DAPK1: variants seen among roughly 807,000 people sequenced by gnomAD.
DAPK1 encodes the protein death-associated protein kinase 1.
In DAPK1, 56 loss-of-function variants were observed where a neutral mutation model predicts 144.9. The observed-to-expected ratio is 0.39, with a 90% CI of 0.31 to 0.48. The LOEUF (loss-of-function observed/expected upper bound fraction) is 0.48. Among genes scored for constraint, DAPK1 ranks in the 20% least tolerant of loss-of-function variants. DAPK1 has a pLI of 0.95. For synonymous variants in DAPK1, 690 were observed against 749.0 expected (o/e 0.92, Z 1.29); for missense variants, 1,454 against 1,875.4 (o/e 0.78, Z 4.15).
chr9:87,701,444 ATG>A (rs1825448265), intron 24 of DAPK1, among the ~76,000 whole-genome samples: 1 of 152,226 alleles, frequency 6.6e-6, no homozygotes, highest in South Asian at 2.1e-4. Context: ...CTGTTTGAAA[ATG>A]TAAAAATTTT....
In DAPK1 at chr9:87,529,759, C is replaced by T. The variant is rs36230550; in HGVS notation, c.62+30620C>T. On this transcript the variant is annotated intron_variant, in intron 2 of 25. Transcript: ENST00000408954. Reference sequence around the variant, plus strand: ...GCCTGGAGCAAAGAAGCCACCAGACCCAAGGGGCTCAGGCTAGGCTGGGAG... The same window carrying T: ...GCCTGGAGCAAAGAAGCCACCAGACTCAAGGGGCTCAGGCTAGGCTGGGAG... Among the ~76,000 whole-genome samples, 1,502 of 152,310 alleles carry T rather than the reference C, an allele frequency of 9.9e-3. 26 individuals are homozygous for T. The highest frequency in any genetic ancestry group is 0.034 in the African/African-American group (1,429 of 41,566).
At chr9:87,567,910 T>G (rs1310498004) in intron 2 of DAPK1, among the ~76,000 whole-genome samples, 2 of 152,234 alleles carry the variant, frequency 1.3e-5, no homozygotes, top group Non-Finnish European at 2.9e-5. Flanking sequence ...ACTTTCAGTT[T>G]CTTTTAATAT....
intron 3 of DAPK1, among the ~76,000 whole-genome samples, chr9:87,605,978 G>A (rs1323910221): frequency 1.3e-5 from 2 of 152,212 alleles, no homozygotes; most frequent in African/African-American, 4.8e-5. Flanking sequence ...CCTTGAGGGA[G>A]GAGGGGCGGA....
intron 19 of DAPK1, among the ~76,000 whole-genome samples, chr9:87,670,858 G>A (rs538257506): frequency 6.6e-6 from 1 of 152,182 alleles, no homozygotes; most frequent in African/African-American, 2.4e-5. Context: ...CAGGTCACTC[G>A]GGAAACCCAC....
chr9:87,591,505 A>T (rs17053184), intron 2 of DAPK1, among the ~76,000 whole-genome samples: 1 of 152,160 alleles, frequency 6.6e-6, no homozygotes. Context: ...GCATTGAGTC[A>T]ACATGTATTA....
At chr9:87,531,518 G>C (rs951378777) in intron 2 of DAPK1, among the ~76,000 whole-genome samples, 2 of 152,182 alleles carry the variant, frequency 1.3e-5, no homozygotes, top group African/African-American at 4.8e-5. Context: ...TCACTGCACA[G>C]CAAAGACTGG....
At chr9:87,533,958 T>G (rs566592360) in intron 2 of DAPK1, among the ~76,000 whole-genome samples, 3 of 152,364 alleles carry the variant, frequency 2.0e-5, no homozygotes, top group African/African-American at 7.2e-5. Flanking sequence ...CCACTGCACC[T>G]GGCCGAGTCC....
At chr9:87,534,290 A>G (rs1325635217) in intron 2 of DAPK1, among the ~76,000 whole-genome samples, 5 of 148,906 alleles carry the variant, frequency 3.4e-5, no homozygotes, top group South Asian at 2.1e-4. Flanking sequence ...TGCTGTTCCA[A>G]TTGGTTTGGC....
At chr9:87,617,463 G>A (rs554988199) in intron 3 of DAPK1, among the ~76,000 whole-genome samples, 3 of 152,198 alleles carry the variant, frequency 2.0e-5, no homozygotes, top group South Asian at 4.1e-4. Context: ...TGACATCCAC[G>A]TTTATAATGG....
At chr9:87,519,565 C>T (rs527259457) in intron 2 of DAPK1, among the ~76,000 whole-genome samples, 28 of 152,252 alleles carry the variant, frequency 1.8e-4, no homozygotes, top group African/African-American at 6.3e-4. Context: ...GGGGCTGTCA[C>T]GTGACCAGTG....
rs542971172 is a variant in DAPK1, at chr9:87,503,289, G to A, written c.62+4150G>A. 3.9e-5 allele frequency among the ~76,000 whole-genome samples: 6 copies of A among 152,006 alleles called. No homozygotes were observed. In the South Asian group the frequency reaches 1.0e-3, roughly 26 times the overall value. ...TATATATATATATATTTTAGAGACA[G>A]GGTCTTACTCTGTTTCCCAGGCTGG... On this transcript the variant is annotated intron_variant, in intron 2 of 25. Transcript: ENST00000408954.
At chr9:87,655,853 C>T (rs1425016800) in intron 17 of DAPK1, among the ~76,000 whole-genome samples, 1 of 152,220 alleles carries the variant, frequency 6.6e-6, no homozygotes, top group Non-Finnish European at 1.5e-5. Context: ...TGTGCACACG[C>T]ACACATCTGG....
chr9:87,662,241 A>G (rs1830874196), intron 18 of DAPK1, among the ~76,000 whole-genome samples: 1 of 152,114 alleles, frequency 6.6e-6, no homozygotes, highest in African/African-American at 2.4e-5. Context: ...GTGTAATTTG[A>G]AATTAGGCAA....
intron 3 of DAPK1, among the ~76,000 whole-genome samples, chr9:87,626,629 A>G (rs1353114716): frequency 6.6e-6 from 1 of 152,216 alleles, no homozygotes; most frequent in East Asian, 1.9e-4. Context: ...AGTCAGGTGC[A>G]CAGGGAATCA....
chr9:87,620,577 G>A (rs1271704894), intron 3 of DAPK1, among the ~76,000 whole-genome samples: 1 of 151,408 alleles, frequency 6.6e-6, no homozygotes, highest in Non-Finnish European at 1.5e-5. Context: ...AGGGGGAGGG[G>A]GAGGGAGAGG....
At chr9:87,639,743 A>G in intron 6 of DAPK1, 45 bp downstream of exon 6, 1 of 1,612,926 alleles carries the variant, frequency 6.2e-7, no homozygotes. Flanking sequence ...GATTTATTTG[A>G]CTATTCTTCT....
At chr9:87,544,755 C>T (rs112245806) in intron 2 of DAPK1, among the ~76,000 whole-genome samples, 5 of 152,012 alleles carry the variant, frequency 3.3e-5, no homozygotes, top group African/African-American at 7.2e-5. Context: ...AGCTGGAAAA[C>T]GATCATTTTA....
chr9:87,634,257 G>A (rs969371940), intron 3 of DAPK1, among the ~76,000 whole-genome samples: 2 of 152,204 alleles, frequency 1.3e-5, no homozygotes, highest in Non-Finnish European at 2.9e-5. Context: ...AGTTTGGCAG[G>A]CCCTGTTATG....
At chr9:87,552,834 C>T (rs1295519303) in intron 2 of DAPK1, among the ~76,000 whole-genome samples, 1 of 151,830 alleles carries the variant, frequency 6.6e-6, no homozygotes, top group Non-Finnish European at 1.5e-5. Flanking sequence ...CTCCAGGCCT[C>T]AAGCGATTCT....
Sources: gnomAD v4.1 joint callset for allele counts (sites outside exome capture counted in the v4.1 genomes callset) on GRCh38, gnomAD v4.1.1 for gene constraint, MANE v1.5 for transcripts, NCBI Gene and HGNC (gene_info 2026-07-23, HGNC 2026-07-21) for gene names.